RRAS2: variants seen among roughly 807,000 people sequenced by gnomAD.
The protein encoded by RRAS2 is RAS related 2.
A neutral mutation model predicts 27.6 loss-of-function variants in RRAS2; 7 were observed. The ratio of observed to expected loss-of-function variants is 0.25; its 90% CI spans 0.14 to 0.48. The LOEUF is 0.48. RRAS2 is among the 20% of genes least tolerant of loss of function. RRAS2 has a pLI of 0.99. For synonymous variants in RRAS2, 86 were observed against 90.9 expected (o/e 0.95, Z 0.31); for missense variants, 178 against 256.2 (o/e 0.69, Z 2.08).
intron 1 of RRAS2, among the ~76,000 whole-genome samples, chr11:14,340,217 C>G (rs1554953103): frequency 6.6e-6 from 1 of 151,592 alleles, no homozygotes. Context: ...CTGCCTCAGC[C>G]TCCCAAGTAG....
At position 14,358,354 on chromosome 11, in the gene RRAS2, C is replaced by A. The variant is rs1284492585; in HGVS notation, c.108+409G>T. 134 of 985,534 alleles carry A rather than the reference C, an allele frequency of 1.4e-4. No homozygotes were observed. Among genetic ancestry groups the A allele is most frequent in the Non-Finnish European group, 1.5e-4 (128 of 830,024 alleles). 61.0% of individuals were successfully genotyped at this position (985,534 alleles called of 1,614,324 possible). The stretch of plus-strand genomic sequence containing the variant: ...ACCGCTATCGCCCCGACGGTGAAGG[C>A]GCGGCCGCAGGCGGCTGGAAAAGCA... On this transcript the variant is annotated intron_variant, in intron 1 of 5. Transcript: ENST00000256196. This position sits in a 1 kb window ranked among gnomAD's most constrained non-coding sequence, Gnocchi z 5.1.
At chr11:14,327,523 C>T (rs1362086839) in intron 1 of RRAS2, among the ~76,000 whole-genome samples, 1 of 152,104 alleles carries the variant, frequency 6.6e-6, no homozygotes, top group Non-Finnish European at 1.5e-5. Flanking sequence ...TATCAGTACC[C>T]ACAAAATTGC....
At chr11:14,284,279 T>C (rs781943365) in intron 4 of RRAS2, among the ~76,000 whole-genome samples, 43 of 152,206 alleles carry the variant, frequency 2.8e-4, no homozygotes, top group South Asian at 4.1e-4. Flanking sequence ...TTTCATTTTC[T>C]TGACCCAAGG....
Position 14,358,754 on chromosome 11 carries a change from T to A in RRAS2, c.108+9A>T. On this transcript the variant is annotated intron_variant, in intron 1 of 5. Coordinates refer to ENST00000256196, the MANE Select transcript of RRAS2 (RefSeq NM_012250.6). This position sits in a 1 kb window ranked among gnomAD's most constrained non-coding sequence, Gnocchi z 5.1. ...GCTCCGGCGCCCCGGGCAGGCCCGC[T>A]CCAGGTACCTGGATGAACTGGATGG... is the stretch of plus-strand genomic sequence containing the variant. The A allele has an allele frequency of 1.4e-6, 2 of 1,404,946 alleles. No individual in the cohort carries two copies. Among genetic ancestry groups the A allele is most frequent in the East Asian group, 6.4e-5 (2 of 31,174 alleles). The allele number at this position is 1,404,946 out of a possible 1,614,324, so 87.0% of individuals were successfully genotyped here. A position where few individuals can be genotyped will look rare whatever the true frequency, so the allele number is the denominator to read the frequency against.
intron 1 of RRAS2, among the ~76,000 whole-genome samples, chr11:14,331,002 A>T (rs1257975425): frequency 6.6e-6 from 1 of 152,204 alleles, no homozygotes; most frequent in African/African-American, 2.4e-5. Flanking sequence ...CTGCAGCCTC[A>T]AACTGCTGGG....
intron 1 of RRAS2, among the ~76,000 whole-genome samples, chr11:14,347,359 T>C (rs1379547297): frequency 6.6e-6 from 1 of 152,156 alleles, no homozygotes; most frequent in Non-Finnish European, 1.5e-5. Context: ...TTTGAAATCT[T>C]TTAAAAATAC....
chr11:14,358,676 C>G lies in RRAS2; in HGVS notation c.108+87G>C, dbSNP rs1190676446. 1 of 1,020,326 alleles carries G rather than the reference C, an allele frequency of 9.8e-7. No individual in the cohort carries two copies. The highest frequency in any genetic ancestry group is 1.7e-5 in the African/African-American group (1 of 57,724). The allele number at this position is 1,020,326 out of a possible 1,614,324, so 63.2% of individuals were successfully genotyped here. A position where few individuals can be genotyped will look rare whatever the true frequency, so the allele number is the denominator to read the frequency against. On this transcript the variant is annotated intron_variant, in intron 1 of 5. Transcript: ENST00000256196. The surrounding 1 kb of genome is among the most constrained non-coding windows in gnomAD (Gnocchi z 5.1). ...CCGGGCCCGCGAGGCGCCTCTGGGG[C>G]GAGGTCGCGGCGGCCGCCCCGCCAC... is the stretch of plus-strand genomic sequence containing the variant.
In RRAS2 at chr11:14,352,783, A is replaced by AGAGG. The variant is rs1187354981; in HGVS notation, c.108+5979_108+5980insCCTC. Among the ~76,000 whole-genome samples the AGAGG allele has an allele frequency of 4.0e-4, 59 of 148,718 alleles. No homozygotes were observed. The East Asian group carries it at 8.3e-3, about 21-fold the overall frequency. On this transcript the variant is annotated intron_variant, in intron 1 of 5. Transcript: ENST00000256196. Reference sequence around the variant, plus strand: ...GAGAGAGAGAGAGAGAGAGAGAGGGAGAGAGAGAGAGAGAGACATTTTTTT... The same window carrying AGAGG: ...GAGAGAGAGAGAGAGAGAGAGAGGGAGAGGGAGAGAGAGAGAGAGACATTTTTTT...
At chr11:14,285,718 G>A (rs1554944934) in intron 4 of RRAS2, among the ~76,000 whole-genome samples, 1 of 152,090 alleles carries the variant, frequency 6.6e-6, no homozygotes, top group Non-Finnish European at 1.5e-5. Context: ...AATCCTAGTT[G>A]ATAGTTTTTG....
At chr11:14,343,967 C>T (rs1554953705) in intron 1 of RRAS2, among the ~76,000 whole-genome samples, 2 of 151,816 alleles carry the variant, frequency 1.3e-5, no homozygotes, top group Admixed American at 1.3e-4. Context: ...AAGGCGAAAC[C>T]CCCATCTTTA....
At chr11:14,321,652 T>C (rs1256042795) in intron 1 of RRAS2, among the ~76,000 whole-genome samples, 2 of 152,198 alleles carry the variant, frequency 1.3e-5, no homozygotes, top group Non-Finnish European at 2.9e-5. Flanking sequence ...CCACTATCCC[T>C]GGCTTGTTGC....
At chr11:14,305,791 TC>T (rs1847815589) in intron 1 of RRAS2, among the ~76,000 whole-genome samples, 2 of 152,050 alleles carry the variant, frequency 1.3e-5, no homozygotes, top group South Asian at 4.2e-4. Flanking sequence ...ACACCTGTAA[TC>T]CCAATACTTT....
intron 1 of RRAS2, among the ~76,000 whole-genome samples, chr11:14,335,747 G>A (rs1332939131): frequency 1.3e-5 from 2 of 152,166 alleles, no homozygotes; most frequent in African/African-American, 4.8e-5. Flanking sequence ...AACCAACACT[G>A]TGGTGAGTTT....
In RRAS2 at chr11:14,306,074, G is replaced by T. The variant is rs59127039; in HGVS notation, c.109-10219C>A. Among the ~76,000 whole-genome samples, 4 of 131,378 alleles carry T rather than the reference G, an allele frequency of 3.0e-5. No individual in the cohort carries two copies. In the South Asian group the frequency reaches 8.4e-4, roughly 27 times the overall value. The allele number at this position is 131,378 out of a possible 152,430, so 86.2% of individuals were successfully genotyped here. On this transcript the variant is annotated intron_variant, in intron 1 of 5. Coordinates refer to ENST00000256196, the MANE Select transcript of RRAS2 (RefSeq NM_012250.6). ...CGCCGCCCCCACCCCAACAAAAAAA[G>T]AATTTTTTTTTTTACAACAGACACC... is the stretch of plus-strand genomic sequence containing the variant.
upstream of RRAS2, among the ~76,000 whole-genome samples, chr11:14,364,056 G>T (rs2134052979): frequency 6.6e-6 from 1 of 152,302 alleles, no homozygotes; most frequent in African/African-American, 2.4e-5. Flanking sequence ...GGCAACAAGA[G>T]CGAAACTCTG....
chr11:14,287,700 T>C lies in RRAS2; in HGVS notation c.409-5980A>G, dbSNP rs570685213. 2.0e-5 allele frequency among the ~76,000 whole-genome samples: 3 copies of C among 152,028 alleles called. No individual in the cohort carries two copies. In the South Asian group the frequency reaches 6.2e-4, roughly 32 times the overall value. On this transcript the variant is annotated intron_variant, in intron 4 of 5. Transcript: ENST00000256196. ...ACGCCTGGCCAACATGGTGAAACCC[T>C]ATCTCTCCTAAAAATACAAAAAGTA...
chr11:14,341,522 A>C (rs1486870765), intron 1 of RRAS2, among the ~76,000 whole-genome samples: 1 of 152,162 alleles, frequency 6.6e-6, no homozygotes, highest in South Asian at 2.1e-4. Flanking sequence ...TTTATCCACA[A>C]ATTGAAATAT....
At chr11:14,351,544 C>A (rs902288278) in intron 1 of RRAS2, among the ~76,000 whole-genome samples, 1 of 152,018 alleles carries the variant, frequency 6.6e-6, no homozygotes, top group Non-Finnish European at 1.5e-5. Flanking sequence ...CTGGCCAACA[C>A]GGTGAAACTC....
At chr11:14,290,040 C>T (rs1336423001) in intron 4 of RRAS2, among the ~76,000 whole-genome samples, 2 of 152,346 alleles carry the variant, frequency 1.3e-5, no homozygotes, top group East Asian at 1.9e-4. Context: ...CATCTCTGAA[C>T]AGGCGGAAAG....
Sources: gnomAD v4.1 joint callset for allele counts (sites outside exome capture counted in the v4.1 genomes callset) on GRCh38, gnomAD v4.1.1 for gene constraint, Gnocchi (gnomAD v3.1) non-coding constraint, MANE v1.5 for transcripts, NCBI Gene and HGNC (gene_info 2026-07-23, HGNC 2026-07-21) for gene names.